Variants in WTIP observed in about 807,000 individuals in gnomAD.
WTIP encodes the protein Wilms tumor protein 1-interacting protein.
Under a neutral mutation model 41.7 loss-of-function variants are expected in WTIP, and 23 were observed. The observed-to-expected ratio is 0.55, with a 90% CI of 0.40 to 0.78. The LOEUF is 0.78. Ranked by LOEUF, WTIP falls within the 30% of genes least tolerant of loss-of-function variation. WTIP has a pLI of 0.00. For synonymous variants in WTIP, 314 were observed against 269.9 expected, an observed-to-expected ratio of 1.16 and a Z score of -1.60; for missense variants, 619 against 610.5, an observed-to-expected ratio of 1.01 and a Z score of -0.15.
chr19:34,497,131 A>G (rs1454789287), intron 7 of WTIP, among the ~76,000 whole-genome samples: 1 of 152,140 alleles, frequency 6.6e-6, no homozygotes, highest in African/African-American at 2.4e-5. Flanking sequence ...CCAAAGTGCT[A>G]GGATTACAGG....
Position 34,482,329 on chromosome 19 carries a change from G to C in WTIP, c.355G>C (p.Gly119Arg). 7.2e-7 allele frequency: 1 copy of C among 1,385,594 alleles called. No individual in the cohort carries two copies. The highest frequency in any genetic ancestry group is 9.4e-7 in the Non-Finnish European group (1 of 1,063,896). The allele number at this position is 1,385,594 out of a possible 1,614,324, so 85.8% of individuals were successfully genotyped here. A position where few individuals can be genotyped will look rare whatever the true frequency, so the allele number is the denominator to read the frequency against. Residue 119 changes from glycine (G) to arginine (R), a missense_variant, in exon 1 of 8, where the codon GGC becomes CGC. Coordinates refer to ENST00000590071, the MANE Select transcript of WTIP (RefSeq NM_001080436.2). ...CAGCCTGGGCTACGACCAGCGCCAC[G>C]GCAGCCCGCGCTCCGGTCGCTCGGA... ...GISLGYDQRHGSPRSGRSDPR... is the reference protein window; with the variant it reads ...GISLGYDQRHRSPRSGRSDPR...
Position 34,506,788 on chromosome 19 carries a change from A to AT in WTIP, c.*6520dup, listed in dbSNP as rs1279687616. The AT allele has an allele frequency of 1.3e-5, 2 of 149,992 alleles. No homozygotes were observed. Among genetic ancestry groups the AT allele is most frequent in the African/African-American group, 4.9e-5 (2 of 41,124 alleles). The allele number at this position is 149,992 out of a possible 1,614,324, so 9.3% of individuals were successfully genotyped here. ...AATAAATAAATAAATAAATAAATAA[A>AT]TAAATAAATGAATATAAATAAAACT... is the stretch of plus-strand genomic sequence containing the variant. On this transcript the variant is annotated 3_prime_UTR_variant, in exon 8 of 8. Transcript: ENST00000590071.
At position 34,482,567 on chromosome 19, in the gene WTIP, C is replaced by A. The variant is rs1352071570; in HGVS notation, c.593C>A (p.Ala198Asp). ...PPGREGGPSA[A>D]ERRLEALTRE... ...GGCCGGGAGGGCGGCCCAAGCGCGG[C>A]CGAGCGGCGGCTGGAGGCGCTCACC... Residue 198 changes from alanine (A) to aspartate (D), a missense_variant, in exon 1 of 8, where the codon GCC becomes GAC. Around this residue, in one of 3 missense-constraint regions of WTIP, gnomAD observed 363 missense variants for 309.0 expected, o/e 1.17. Transcript: ENST00000590071. 8.1e-7 allele frequency: 1 copy of A among 1,230,578 alleles called. No individual in the cohort carries two copies. Among genetic ancestry groups the A allele is most frequent in the Non-Finnish European group, 1.0e-6 (1 of 988,000 alleles). 76.2% of individuals were successfully genotyped at this position (1,230,578 alleles called of 1,614,324 possible). A position where few individuals can be genotyped will look rare whatever the true frequency, so the allele number is the denominator to read the frequency against.
chr19:34,482,298 CG>C lies in WTIP; in HGVS notation c.326del (p.Gly109AlafsTer192). 7.4e-7 allele frequency: 1 copy of C among 1,359,942 alleles called. No individual in the cohort carries two copies. The highest frequency in any genetic ancestry group is 9.5e-7 in the Non-Finnish European group (1 of 1,048,482). The allele number at this position is 1,359,942 out of a possible 1,614,324, so 84.2% of individuals were successfully genotyped here. On this transcript the variant is annotated frameshift_variant, in exon 1 of 8. Transcript: ENST00000590071. LOFTEE classifies it high-confidence loss of function. Reference protein sequence around the residue: ...GGGGGSARSSGISLGYDQRHG... With the variant: ...GGGGGSARSSXISLGYDQRHG... ...GCGGTGGCGGCAGCGCCCGATCCAG[CG>C]GCATCAGCCTGGGCTACGACCAGCG...
At chr19:34,492,688 CAAAAAA>C (rs35065558) in intron 2 of WTIP, among the ~76,000 whole-genome samples, 7 of 111,632 alleles carry the variant, frequency 6.3e-5, no homozygotes, top group Admixed American at 2.7e-4. Context: ...TACTCTGTAT[CAAAAAA>C]AAAAAAAAAA....
Position 34,504,786 on chromosome 19 carries a change from G to A in WTIP, c.*4517G>A, listed in dbSNP as rs1158314558. 1 of 151,502 alleles carries A rather than the reference G, an allele frequency of 6.6e-6. No individual in the cohort carries two copies. Among genetic ancestry groups the A allele is most frequent in the African/African-American group, 2.4e-5 (1 of 41,348 alleles). The allele number at this position is 151,502 out of a possible 1,614,324, so 9.4% of individuals were successfully genotyped here. On this transcript the variant is annotated 3_prime_UTR_variant, in exon 8 of 8. Coordinates refer to ENST00000590071, the MANE Select transcript of WTIP (RefSeq NM_001080436.2). ...GGCTGGTCTCTAGCTCGTGAGCAGA[G>A]GCCGAGAGAAGGCCCTTCCCCATCA...
chr19:34,500,086 C>T, intron 7 of WTIP, 43 bp from the exon 8 acceptor site: 1 of 1,592,026 alleles, frequency 6.3e-7, no homozygotes, highest in Non-Finnish European at 8.5e-7. Context: ...CTGATGTGCG[C>T]TTGTCTGCTG....
intron 7 of WTIP, among the ~76,000 whole-genome samples, chr19:34,496,157 CA>C (rs1382395321): frequency 1.3e-5 from 2 of 151,834 alleles, no homozygotes; most frequent in Non-Finnish European, 2.9e-5. Context: ...GACTCTGTCT[CA>C]AAAAAAATTT....
Position 34,482,564 on chromosome 19 carries a change from C to A in WTIP, c.590C>A (p.Ala197Glu), listed in dbSNP as rs1424028151. Residue 197 changes from alanine to glutamate, a missense_variant, in exon 1 of 8, where the codon GCG becomes GAG. Coordinates refer to ENST00000590071, the MANE Select transcript of WTIP (RefSeq NM_001080436.2). ...LPPGREGGPS[A>E]AERRLEALTR... ...CCTGGCCGGGAGGGCGGCCCAAGCG[C>A]GGCCGAGCGGCGGCTGGAGGCGCTC... The A allele has an allele frequency of 8.1e-7, 1 of 1,230,192 alleles. No individual in the cohort carries two copies. The highest frequency in any genetic ancestry group is 1.0e-6 in the Non-Finnish European group (1 of 987,724). The allele number at this position is 1,230,192 out of a possible 1,614,324, so 76.2% of individuals were successfully genotyped here. A position where few individuals can be genotyped will look rare whatever the true frequency, so the allele number is the denominator to read the frequency against.
chr19:34,504,634 A>G lies in WTIP; in HGVS notation c.*4365A>G, dbSNP rs116292253. ...TTGGGGGGCTGTGTGGGGAGGGGCC[A>G]CTGGGCAGGATTTATGAGACCTGGG... On this transcript the variant is annotated 3_prime_UTR_variant, in exon 8 of 8. Coordinates refer to ENST00000590071, the MANE Select transcript of WTIP (RefSeq NM_001080436.2). The G allele has an allele frequency of 0.034, 5,171 of 152,574 alleles. 276 individuals carry two copies. The highest frequency in any genetic ancestry group is 0.12 in the African/African-American group (4,822 of 41,414). 9.5% of individuals were successfully genotyped at this position (152,574 alleles called of 1,614,324 possible). A position where few individuals can be genotyped will look rare whatever the true frequency, so the allele number is the denominator to read the frequency against.
rs1270750242 is a variant in WTIP, at chr19:34,510,363, A to G, written c.*10094A>G. On this transcript the variant is annotated 3_prime_UTR_variant, in exon 8 of 8. Transcript: ENST00000590071. ...GTTGGGGTTTGCACTCTCTGAAACC[A>G]TGGGCTGAGCTGTACCTTGGCCCCT... The G allele has an allele frequency of 6.6e-6, 1 of 152,304 alleles. No individual in the cohort carries two copies. Among genetic ancestry groups the G allele is most frequent in the Non-Finnish European group, 1.5e-5 (1 of 68,090 alleles). 9.4% of individuals were successfully genotyped at this position (152,304 alleles called of 1,614,324 possible).
At chr19:34,488,846 T>C (rs952357721) in intron 1 of WTIP, among the ~76,000 whole-genome samples, 1 of 144,638 alleles carries the variant, frequency 6.9e-6, no homozygotes, top group African/African-American at 2.6e-5. Context: ...AAGGCTGCAG[T>C]GAGCTATGAT....
Position 34,488,475 on chromosome 19 carries a change from C to T in WTIP, c.668-1901C>T, listed in dbSNP as rs548967320. On this transcript the variant is annotated intron_variant, in intron 1 of 7. Transcript: ENST00000590071. ...CAAACTCCCAGGCTTAAGTGATCCTCCTGCCTCAGACTCCTGAGTAACTGG... is the reference window on the plus strand; with the variant it reads ...CAAACTCCCAGGCTTAAGTGATCCTTCTGCCTCAGACTCCTGAGTAACTGG... Among the ~76,000 whole-genome samples the T allele has an allele frequency of 1.4e-3, 219 of 152,178 alleles. 2 individuals carry two copies. Among genetic ancestry groups the T allele is most frequent in the African/African-American group, 5.2e-3 (215 of 41,536 alleles).
Position 34,504,652 on chromosome 19 carries a change from G to T in WTIP, c.*4383G>T. On this transcript the variant is annotated 3_prime_UTR_variant, in exon 8 of 8. Coordinates refer to ENST00000590071, the MANE Select transcript of WTIP (RefSeq NM_001080436.2). Reference sequence around the variant, plus strand: ...AGGGGCCACTGGGCAGGATTTATGAGACCTGGGCAGAGGTGTGGGGAGCAG... The same window carrying T: ...AGGGGCCACTGGGCAGGATTTATGATACCTGGGCAGAGGTGTGGGGAGCAG... 1 of 152,948 alleles carries T rather than the reference G, an allele frequency of 6.5e-6. No homozygotes were observed. 9.5% of individuals were successfully genotyped at this position (152,948 alleles called of 1,614,324 possible).
intron 1 of WTIP, among the ~76,000 whole-genome samples, chr19:34,485,548 C>G (rs1020906122): frequency 6.6e-6 from 1 of 151,884 alleles, no homozygotes; most frequent in Non-Finnish European, 1.5e-5. Context: ...CTCGAGTGAT[C>G]TCTGATAAAC....
chr19:34,482,778 C>T, intron 1 of WTIP, 137 bp downstream of exon 1: 1 of 1,200,710 alleles, frequency 8.3e-7, no homozygotes, highest in South Asian at 4.3e-5. Flanking sequence ...GGGGTTGGGA[C>T]GAGGAAGGTG....
Position 34,493,243 on chromosome 19 carries a change from G to T in WTIP, c.838-20G>T, listed in dbSNP as rs774195637. On this transcript the variant is annotated intron_variant, in intron 3 of 7. Coordinates refer to ENST00000590071, the MANE Select transcript of WTIP (RefSeq NM_001080436.2). The surrounding 1 kb of genome is among the most constrained non-coding windows in gnomAD (Gnocchi z 4.1). The stretch of plus-strand genomic sequence containing the variant: ...TGCCCCTTTGTCACACAATGTCCTG[G>T]ATCCTGTGTCCCCTCCCAGTACTCC... 6.2e-7 allele frequency: 1 copy of T among 1,613,622 alleles called. No individual in the cohort carries two copies. The highest frequency in any genetic ancestry group is 1.1e-5 in the South Asian group (1 of 91,062).
intron 7 of WTIP, 33 bp from the exon 8 acceptor site, chr19:34,500,096 G>C: frequency 6.3e-7 from 1 of 1,594,896 alleles, no homozygotes; most frequent in South Asian, 1.1e-5. Flanking sequence ...CTTGTCTGCT[G>C]ACTCTGGGGC....
At chr19:34,500,036 A>T in intron 7 of WTIP, 93 bp from the exon 8 acceptor site, 2 of 1,517,274 alleles carry the variant, frequency 1.3e-6, no homozygotes, top group East Asian at 4.6e-5. Context: ...CACCCTGCAG[A>T]TCTGCCCCTC....
Sources: allele counts gnomAD v4.1 joint callset (sites outside exome capture counted in the v4.1 genomes callset), GRCh38; gene constraint gnomAD v4.1.1; regional missense constraint gnomAD v4.1.1; non-coding constraint Gnocchi (gnomAD v3.1); transcripts MANE v1.5; gene names NCBI Gene and HGNC (gene_info 2026-07-23, HGNC 2026-07-21).